Variants in ATP10A observed in about 807,000 individuals in gnomAD.
The protein encoded by ATP10A is ATPase phospholipid transporting 10A (putative).
Under a neutral mutation model 147.8 loss-of-function variants are expected in ATP10A, and 111 were observed. The ratio of observed to expected loss-of-function variants is 0.75; its 90% CI spans 0.64 to 0.88. The LOEUF (loss-of-function observed/expected upper bound fraction) is 0.88, where lower values mean the gene tolerates loss of function less well. Ranked by LOEUF, ATP10A falls within the 40% of genes least tolerant of loss-of-function variation. ATP10A has a pLI of 0.00. For synonymous variants in ATP10A, 875 were observed against 841.6 expected (o/e 1.04, Z -0.69); for missense variants, 1,927 against 1,959.0 (o/e 0.98, Z 0.31).
Position 25,853,912 on chromosome 15 carries a change from G to A in ATP10A, c.449+8736C>T, listed in dbSNP as rs1485853879. Among the ~76,000 whole-genome samples the A allele has an allele frequency of 1.1e-4, 16 of 150,918 alleles. 1 individual carries two copies. The highest frequency in any genetic ancestry group is 8.4e-4 in the South Asian group (4 of 4,758). ...AGCTATGATTGCACCAGTGCGCTCC[G>A]GCCTGGGCAACAGAGTTAGACCCTG... On this transcript the variant is annotated intron_variant, in intron 1 of 20. Transcript: ENST00000555815.
chr15:25,846,229 C>T (rs991926339), intron 1 of ATP10A, among the ~76,000 whole-genome samples: 16 of 152,000 alleles, frequency 1.1e-4, no homozygotes, highest in Admixed American at 8.5e-4. Context: ...GAGAGGAGGG[C>T]GGCGGTGATG....
In ATP10A at chr15:25,790,416, T is replaced by A. The variant is rs1381175805; in HGVS notation, c.450-9193A>T. ...AGCAGACTGCTCAAATGAGTCAAGC[T>A]GAATGGAAAATACTGGTCGCTCTGT... On this transcript the variant is annotated intron_variant, in intron 1 of 20. Transcript: ENST00000555815. Among the ~76,000 whole-genome samples, 4 of 152,208 alleles carry A rather than the reference T, an allele frequency of 2.6e-5. No homozygotes were observed. The East Asian group carries it at 7.7e-4, about 29-fold the overall frequency.
At chr15:25,753,039 T>A (rs1888234446) in intron 2 of ATP10A, among the ~76,000 whole-genome samples, 1 of 152,222 alleles carries the variant, frequency 6.6e-6, no homozygotes, top group African/African-American at 2.4e-5. Context: ...ATAGAATAAC[T>A]AAATTAAGCT....
At chr15:25,780,661 C>A (rs186851404) in intron 2 of ATP10A, among the ~76,000 whole-genome samples, 62 of 152,314 alleles carry the variant, frequency 4.1e-4, no homozygotes, top group Non-Finnish European at 7.4e-4. Context: ...TGGGAACAGG[C>A]CATGACTCCT....
chr15:25,780,985 T>A lies in ATP10A; in HGVS notation c.654+34A>T, dbSNP rs1889891941. 1.9e-6 allele frequency: 3 copies of A among 1,606,316 alleles called. No individual in the cohort carries two copies. The Admixed American group carries it at 5.0e-5, about 27-fold the overall frequency. On this transcript the variant is annotated intron_variant, in intron 2 of 20. Coordinates refer to ENST00000555815, the MANE Select transcript of ATP10A (RefSeq NM_024490.4). ...TCATGGGGACACTGTGTGGCTGTAA[T>A]GCCTGCAAGGCCCTGGAAACGTGGG... is the stretch of plus-strand genomic sequence containing the variant.
chr15:25,844,783 C>T (rs1038000821), intron 1 of ATP10A, among the ~76,000 whole-genome samples: 11 of 152,142 alleles, frequency 7.2e-5, no homozygotes, highest in African/African-American at 2.7e-4. Context: ...TGTGGCTTGC[C>T]GTCTGGGGAC....
intron 1 of ATP10A, among the ~76,000 whole-genome samples, chr15:25,852,503 G>A (rs997428690): frequency 3.3e-5 from 5 of 152,006 alleles, no homozygotes; most frequent in African/African-American, 9.6e-5. Flanking sequence ...CTCTCTAACC[G>A]CCCCCCAACC....
rs191124489 is a variant in ATP10A, at chr15:25,740,439, G to C, written c.655-4298C>G. The stretch of plus-strand genomic sequence containing the variant: ...GGTCTCTGGATGATGTGGGCAGAGA[G>C]AACCCTGGTGAGAGAATGCACAGAG... On this transcript the variant is annotated intron_variant, in intron 2 of 20. Coordinates refer to ENST00000555815, the MANE Select transcript of ATP10A (RefSeq NM_024490.4). Among the ~76,000 whole-genome samples, 223 of 152,300 alleles carry C rather than the reference G, an allele frequency of 1.5e-3. 2 individuals carry two copies. Among genetic ancestry groups the C allele is most frequent in the Non-Finnish European group, 2.5e-3 (169 of 68,024 alleles).
intron 1 of ATP10A, among the ~76,000 whole-genome samples, chr15:25,812,263 A>T (rs879403036): frequency 7.2e-5 from 11 of 152,170 alleles, no homozygotes; most frequent in Admixed American, 3.9e-4. Context: ...AAGTCAGGAA[A>T]CAGGAACCTC....
At chr15:25,706,988 T>A (rs557321608) in intron 12 of ATP10A, among the ~76,000 whole-genome samples, 18 of 152,298 alleles carry the variant, frequency 1.2e-4, no homozygotes, top group African/African-American at 4.3e-4. Flanking sequence ...CACAGCCATT[T>A]CTCAGGTGTT....
At chr15:25,777,653 T>G (rs1392010908) in intron 2 of ATP10A, among the ~76,000 whole-genome samples, 1 of 151,948 alleles carries the variant, frequency 6.6e-6, no homozygotes, top group Non-Finnish European at 1.5e-5. Flanking sequence ...CAGGCTGGAG[T>G]GCAGTGGCAT....
intron 1 of ATP10A, among the ~76,000 whole-genome samples, chr15:25,798,366 C>T (rs1328269604): frequency 6.6e-6 from 1 of 152,204 alleles, no homozygotes; most frequent in Non-Finnish European, 1.5e-5. Flanking sequence ...AAACCAGTGC[C>T]TGTCCAGCCC....
intron 1 of ATP10A, among the ~76,000 whole-genome samples, chr15:25,796,316 G>A (rs950195621): frequency 1.3e-5 from 2 of 152,072 alleles, no homozygotes; most frequent in African/African-American, 4.8e-5. Flanking sequence ...GAGGCAGGAG[G>A]ATTGCTTCAG....
At chr15:25,812,902 T>C (rs1038044878) in intron 1 of ATP10A, among the ~76,000 whole-genome samples, 3 of 152,204 alleles carry the variant, frequency 2.0e-5, no homozygotes, top group East Asian at 1.9e-4. Flanking sequence ...AAGAAATGCA[T>C]GTTAAGAAAT....
chr15:25,750,851 A>G (rs545011200), intron 2 of ATP10A, among the ~76,000 whole-genome samples: 93 of 152,190 alleles, frequency 6.1e-4, no homozygotes, highest in African/African-American at 2.1e-3. Flanking sequence ...TGAATTAAAG[A>G]TGTATCCAAC....
downstream of ATP10A, among the ~76,000 whole-genome samples, chr15:25,676,707 C>T (rs1899143042): frequency 6.6e-6 from 1 of 151,170 alleles, no homozygotes; most frequent in African/African-American, 2.4e-5. Context: ...GGCCTGAAGT[C>T]TATGTTGTCT....
At chr15:25,818,131 A>C (rs1891742556) in intron 1 of ATP10A, among the ~76,000 whole-genome samples, 1 of 152,158 alleles carries the variant, frequency 6.6e-6, no homozygotes, top group Non-Finnish European at 1.5e-5. Context: ...TGGGATATAA[A>C]TTCACTAATA....
At chr15:25,799,569 A>G (rs1189229096) in intron 1 of ATP10A, among the ~76,000 whole-genome samples, 3 of 152,192 alleles carry the variant, frequency 2.0e-5, no homozygotes, top group Non-Finnish European at 4.4e-5. Context: ...GGCATGTTCC[A>G]CAAAGAAATA....
At chr15:25,694,744 G>A (rs1340726945) in intron 14 of ATP10A, 75 bp downstream of exon 14, 5 of 1,297,116 alleles carry the variant, frequency 3.9e-6, no homozygotes, top group East Asian at 2.4e-5. Flanking sequence ...TTCCCATCTC[G>A]TGGTGTAGCA....
Sources: gnomAD v4.1 joint callset for allele counts (sites outside exome capture counted in the v4.1 genomes callset) on GRCh38, gnomAD v4.1.1 for gene constraint, MANE v1.5 for transcripts, NCBI Gene and HGNC (gene_info 2026-07-23, HGNC 2026-07-21) for gene names.